CTNNA3: variants seen among roughly 807,000 people sequenced by gnomAD.
CTNNA3 encodes the protein catenin alpha-3.
Under a neutral mutation model 95.7 loss-of-function variants are expected in CTNNA3, and 76 were observed. The observed-to-expected ratio is 0.79, with a 90% CI of 0.66 to 0.96. The LOEUF is 0.96. Among genes scored for constraint, CTNNA3 ranks in the 40% least tolerant of loss-of-function variants. CTNNA3 has a pLI of 0.00. For missense variants in CTNNA3, 1,191 were observed against 1,089.8 expected (o/e 1.09, Z -1.31); for synonymous variants, 431 against 374.4 (o/e 1.15, Z -1.74).
chr10:67,500,982 T>C (rs947378877), intron 5 of CTNNA3, among the ~76,000 whole-genome samples: 1 of 152,344 alleles, frequency 6.6e-6, no homozygotes, highest in East Asian at 1.9e-4. Context: ...TTAATATTGT[T>C]ATGTGTCAAT....
At chr10:66,399,791 T>G (rs192833396) in intron 11 of CTNNA3, among the ~76,000 whole-genome samples, 133 of 152,120 alleles carry the variant, frequency 8.7e-4, no homozygotes, top group African/African-American at 3.1e-3. Flanking sequence ...ATGACATATG[T>G]TCAGCTCTTT....
chr10:66,428,142 A>C (rs2093259637), intron 11 of CTNNA3, among the ~76,000 whole-genome samples: 1 of 152,168 alleles, frequency 6.6e-6, no homozygotes, highest in Non-Finnish European at 1.5e-5. Flanking sequence ...AACAAAGATC[A>C]AAAGAGACAA....
intron 3 of CTNNA3, among the ~76,000 whole-genome samples, chr10:67,545,404 A>T (rs1277335939): frequency 6.6e-6 from 1 of 152,180 alleles, no homozygotes; most frequent in Non-Finnish European, 1.5e-5. Context: ...GTTAATCAAG[A>T]AGTTGAAAAG....
At position 66,529,638 on chromosome 10, in the gene CTNNA3, T is replaced by C. The variant is rs532052702; in HGVS notation, c.1375-8865A>G. On this transcript the variant is annotated intron_variant, in intron 10 of 17. Transcript: ENST00000433211. ...TATGTGTAAAAATGGAAGAATAGTGTAGGAGTTATAAAAATAACATTACTG... is the reference window on the plus strand; with the variant it reads ...TATGTGTAAAAATGGAAGAATAGTGCAGGAGTTATAAAAATAACATTACTG... Among the ~76,000 whole-genome samples the C allele has an allele frequency of 8.2e-4, 125 of 152,224 alleles. 1 individual carries two copies. Among genetic ancestry groups the C allele is most frequent in the Non-Finnish European group, 1.2e-3 (80 of 68,006 alleles).
chr10:66,786,359 C>T (rs1840745311), intron 7 of CTNNA3, among the ~76,000 whole-genome samples: 2 of 152,028 alleles, frequency 1.3e-5, no homozygotes, highest in African/African-American at 2.4e-5. Flanking sequence ...CTTTTATGTT[C>T]CCTTCAGCTC....
chr10:67,278,845 G>A (rs1401119820), intron 5 of CTNNA3, among the ~76,000 whole-genome samples: 1 of 152,116 alleles, frequency 6.6e-6, no homozygotes, highest in Non-Finnish European at 1.5e-5. Context: ...AGTCAGATTG[G>A]AAAGTAAGCC....
intron 1 of CTNNA3, among the ~76,000 whole-genome samples, chr10:67,685,324 T>A (rs1840709722): frequency 6.6e-6 from 1 of 152,372 alleles, no homozygotes; most frequent in South Asian, 2.1e-4. Context: ...CTTTAAGGTT[T>A]AGCTGAGTGC....
intron 13 of CTNNA3, among the ~76,000 whole-genome samples, chr10:66,137,388 T>C (rs72795326): frequency 0.048 from 7,274 of 151,910 alleles, 218 homozygotes; most frequent in African/African-American, 0.067. Context: ...GAATACCAAA[T>C]GTAAAAAAAC....
chr10:65,975,659 T>A (rs946865384), intron 16 of CTNNA3, among the ~76,000 whole-genome samples: 3 of 152,262 alleles, frequency 2.0e-5, no homozygotes, highest in African/African-American at 7.2e-5. Context: ...CTGTGCCAGG[T>A]ACTATGCCAA....
chr10:65,998,792 T>C (rs752101875), intron 15 of CTNNA3, among the ~76,000 whole-genome samples: 38 of 152,156 alleles, frequency 2.5e-4, no homozygotes, highest in Non-Finnish European at 5.9e-5. Flanking sequence ...GAAGAAAGTC[T>C]TTGTTCACTA....
In CTNNA3 at chr10:66,468,838, G is replaced by T. The variant is rs200448892; in HGVS notation, c.1531+51779C>A. Among the ~76,000 whole-genome samples the T allele has an allele frequency of 2.6e-5, 4 of 151,706 alleles. No homozygotes were observed. In the East Asian group the frequency reaches 7.7e-4, roughly 29 times the overall value. On this transcript the variant is annotated intron_variant, in intron 11 of 17. Coordinates refer to ENST00000433211, the MANE Select transcript of CTNNA3 (RefSeq NM_013266.4). ...GAGATAATCACAGTCGAATTTTCTG[G>T]TATTTTTTCAATAGTTTTATATGCA...
chr10:67,070,563 A>G (rs1348488384), intron 7 of CTNNA3, among the ~76,000 whole-genome samples: 1 of 152,098 alleles, frequency 6.6e-6, no homozygotes, highest in Non-Finnish European at 1.5e-5. Context: ...CTTGGCCAAC[A>G]TGGTGAAACC....
intron 7 of CTNNA3, among the ~76,000 whole-genome samples, chr10:67,094,981 T>C (rs906295438): frequency 6.6e-6 from 1 of 151,614 alleles, no homozygotes; most frequent in Non-Finnish European, 1.5e-5. Context: ...TTAAATGATT[T>C]TGAAACTATA....
intron 7 of CTNNA3, among the ~76,000 whole-genome samples, chr10:66,865,199 G>A (rs1305611034): frequency 7.2e-6 from 1 of 138,258 alleles, no homozygotes. Context: ...ACAGGCATGG[G>A]GTGTGTGTGT....
rs148921611 is a variant in CTNNA3 at position 66,375,162 on chromosome 10, G to A, written c.1732+3990C>T. Among the ~76,000 whole-genome samples the A allele has an allele frequency of 6.0e-3, 912 of 151,960 alleles. 11 individuals carry two copies. The highest frequency in any genetic ancestry group is 0.015 in the South Asian group (70 of 4,816). ...GAGAGTGATGGCAGTTAATAATCTTGGCATGTCCCCGCCATTGTGGAAGTA... is the reference window on the plus strand; with the variant it reads ...GAGAGTGATGGCAGTTAATAATCTTAGCATGTCCCCGCCATTGTGGAAGTA... On this transcript the variant is annotated intron_variant, in intron 12 of 17. Coordinates refer to ENST00000433211, the MANE Select transcript of CTNNA3 (RefSeq NM_013266.4).
intron 3 of CTNNA3, among the ~76,000 whole-genome samples, chr10:67,585,613 G>A (rs972985972): frequency 2.0e-5 from 3 of 152,036 alleles, no homozygotes; most frequent in Non-Finnish European, 2.9e-5. Context: ...TTTCTAGTGT[G>A]TGAGTATATC....
At chr10:66,214,260 GTTGTGCTTGCT>G (rs1255202294) in intron 13 of CTNNA3, among the ~76,000 whole-genome samples, 1 of 152,192 alleles carries the variant, frequency 6.6e-6, no homozygotes, top group African/African-American at 2.4e-5. Context: ...ACCTGCTTAA[GTTGTGCTTGCT>G]TTTCCTTCAT....
intron 13 of CTNNA3, among the ~76,000 whole-genome samples, chr10:66,262,523 T>A (rs1166382294): frequency 6.6e-6 from 1 of 152,032 alleles, no homozygotes; most frequent in Non-Finnish European, 1.5e-5. Context: ...ACTTAATGTA[T>A]GACTTATTGT....
intron 10 of CTNNA3, among the ~76,000 whole-genome samples, chr10:66,586,354 G>A (rs1378823319): frequency 6.6e-6 from 1 of 152,050 alleles, no homozygotes; most frequent in African/African-American, 2.4e-5. Context: ...AGCTGGCAAA[G>A]CTCTCCGTGA....
Sources: allele counts gnomAD v4.1 joint callset (sites outside exome capture counted in the v4.1 genomes callset), GRCh38; gene constraint gnomAD v4.1.1; transcripts MANE v1.5; gene names NCBI Gene and HGNC (gene_info 2026-07-23, HGNC 2026-07-21).